ERBIN: variants seen among roughly 807,000 people sequenced by gnomAD.
ERBIN encodes the protein densin-180-like protein.
A neutral mutation model predicts 158.4 loss-of-function variants in ERBIN; 60 were observed. That is an observed-to-expected ratio of 0.38 (90% confidence interval 0.31 to 0.47). ERBIN has a LOEUF of 0.47. Among genes scored for constraint, ERBIN ranks in the 20% least tolerant of loss-of-function variants. The pLI is 0.99. For missense variants in ERBIN, 1,610 were observed against 1,648.0 expected, an observed-to-expected ratio of 0.98 and a Z score of 0.40; for synonymous variants, 594 against 557.2, an observed-to-expected ratio of 1.07 and a Z score of -0.93.
chr5:66,054,333 T>A lies in ERBIN; in HGVS notation c.3015T>A (p.Phe1005Leu). ...ATCCCCAAATAGACCATGCCAGTTT[T>A]CCTCCTCAGCTCCTTCCTAGATCAG... Reference protein sequence around the residue: ...KQNPQIDHASFPPQLLPRSES... With the variant: ...KQNPQIDHASLPPQLLPRSES... Residue 1005 changes from phenylalanine (F) to leucine (L), a missense_variant, in exon 21 of 26, where the codon TTT becomes TTA. Phe to Leu is a conservative substitution (Grantham distance 22, BLOSUM62 0). Coordinates refer to ENST00000284037, the MANE Select transcript of ERBIN (RefSeq NM_001253697.2). 4.3e-6 allele frequency: 7 copies of A among 1,614,140 alleles called. No individual in the cohort carries two copies. Among genetic ancestry groups the A allele is most frequent in the Non-Finnish European group, 5.9e-6 (7 of 1,180,012 alleles).
intron 1 of ERBIN, among the ~76,000 whole-genome samples, chr5:65,940,433 G>A (rs1236629951): frequency 8.5e-6 from 1 of 117,296 alleles, no homozygotes; most frequent in Admixed American, 8.2e-5. Context: ...TCAGCCCCCC[G>A]CCCGGCCAGC....
intron 4 of ERBIN, among the ~76,000 whole-genome samples, chr5:66,001,844 C>T (rs983904533): frequency 1.3e-5 from 2 of 151,864 alleles, no homozygotes; most frequent in African/African-American, 4.8e-5. Context: ...ATGTGCTGAA[C>T]GTGCAGGTTT....
chr5:65,972,617 T>C (rs1170881769), intron 1 of ERBIN, among the ~76,000 whole-genome samples: 6 of 151,284 alleles, frequency 4.0e-5, no homozygotes, highest in Admixed American at 1.3e-4. Flanking sequence ...ATATCTGTTA[T>C]ACTATTTCAC....
intron 5 of ERBIN, 84 bp downstream of exon 5, chr5:66,012,211 A>C: frequency 1.2e-6 from 1 of 854,844 alleles, no homozygotes; most frequent in Non-Finnish European, 1.8e-6. Context: ...TATTTTAACA[A>C]AAATTTTATA....
chr5:66,019,190 T>C (rs1377439637), intron 7 of ERBIN, among the ~76,000 whole-genome samples: 1 of 152,190 alleles, frequency 6.6e-6, no homozygotes. Context: ...CTTTATTTCT[T>C]TCTCTTTCCT....
In ERBIN at chr5:66,075,088, A is replaced by T; in HGVS notation, c.3821A>T (p.His1274Leu). Residue 1274 changes from histidine (H) to leucine (L), a missense_variant, in exon 23 of 26, where the codon CAT becomes CTT. Around this residue, in one of 2 missense-constraint regions of ERBIN, gnomAD observed 1,014 missense variants for 936.1 expected, o/e 1.08. Transcript: ENST00000284037. The part of the protein sequence containing the change: ...LRPQANYSQI[H>L]HPPQASVARH... The stretch of plus-strand genomic sequence containing the variant: ...CCTCAGGCAAATTATAGTCAAATAC[A>T]TCACCCCCCTCAGGCATCTGTGGCA... 5 of 1,614,208 alleles carry T rather than the reference A, an allele frequency of 3.1e-6. No homozygotes were observed. Among genetic ancestry groups the T allele is most frequent in the Non-Finnish European group, 4.2e-6 (5 of 1,180,034 alleles).
intron 4 of ERBIN, among the ~76,000 whole-genome samples, chr5:66,000,348 T>G (rs931189075): frequency 6.6e-6 from 1 of 152,174 alleles, no homozygotes; most frequent in Non-Finnish European, 1.5e-5. Flanking sequence ...ACAGCATCAT[T>G]AAATTAATAT....
At chr5:65,979,232 GC>G (rs1012662980) in intron 1 of ERBIN, among the ~76,000 whole-genome samples, 46 of 152,124 alleles carry the variant, frequency 3.0e-4, no homozygotes, top group Non-Finnish European at 3.1e-4. Flanking sequence ...TTCAAGACCA[GC>G]CTGGGCAACA....
At position 65,933,404 on chromosome 5, in the gene ERBIN, G is replaced by C. The variant is rs576960098; in HGVS notation, c.-58+6598G>C. Among the ~76,000 whole-genome samples the C allele has an allele frequency of 7.9e-5, 12 of 152,248 alleles. No homozygotes were observed. The South Asian group carries it at 2.3e-3, about 29-fold the overall frequency. The stretch of plus-strand genomic sequence containing the variant: ...AGAAATATTTAACGAGTTTCTCTTT[G>C]AAGGTATGTGGGTAGCTTGACCTTT... On this transcript the variant is annotated intron_variant, in intron 1 of 25. Coordinates refer to ENST00000284037, the MANE Select transcript of ERBIN (RefSeq NM_001253697.2).
intron 1 of ERBIN, among the ~76,000 whole-genome samples, chr5:65,943,232 T>A (rs1365333137): frequency 6.6e-6 from 1 of 152,234 alleles, no homozygotes; most frequent in African/African-American, 2.4e-5. Context: ...GCGAAATGAA[T>A]TACAGGAATG....
At chr5:65,940,476 TCCC>T (rs1244777484) in intron 1 of ERBIN, among the ~76,000 whole-genome samples, 4 of 18,488 alleles carry the variant, frequency 2.2e-4, no homozygotes, top group African/African-American at 5.5e-4. Context: ...GGGGGGTCAG[TCCC>T]CCCCCCCCCG....
At chr5:66,048,433 A>G (rs997036643) in intron 18 of ERBIN, among the ~76,000 whole-genome samples, 7 of 151,934 alleles carry the variant, frequency 4.6e-5, no homozygotes, top group African/African-American at 1.7e-4. Context: ...AAAAAAGGGA[A>G]TAGAGGAGCA....
chr5:66,024,748 G>A (rs1418516619), intron 10 of ERBIN, among the ~76,000 whole-genome samples: 2 of 151,698 alleles, frequency 1.3e-5, no homozygotes, highest in Non-Finnish European at 2.9e-5. Context: ...TTTTATTTTG[G>A]TAACTTTTTT....
chr5:66,044,061 G>A (rs549549545), intron 16 of ERBIN, 76 bp from the exon 17 acceptor site: 1 of 1,096,044 alleles, frequency 9.1e-7, no homozygotes, highest in Admixed American at 3.0e-5. Context: ...ATTCAGATGG[G>A]TTACAGATTA....
chr5:66,021,402 C>T lies in ERBIN; in HGVS notation c.597+17C>T, dbSNP rs1755669451. On this transcript the variant is annotated intron_variant, in intron 8 of 25. Coordinates refer to ENST00000284037, the MANE Select transcript of ERBIN (RefSeq NM_001253697.2). ...ACGGAAGTGGTAAGTTCTCATCAGT[C>T]TCACTTTCCCTAAGTTCTTATATTT... is the stretch of plus-strand genomic sequence containing the variant. The T allele has an allele frequency of 1.3e-6, 2 of 1,526,534 alleles. No homozygotes were observed. The highest frequency in any genetic ancestry group is 1.4e-5 in the African/African-American group (1 of 72,740). 94.6% of individuals were successfully genotyped at this position (1,526,534 alleles called of 1,614,324 possible).
At chr5:66,073,359 A>C (rs1431260946) in intron 22 of ERBIN, among the ~76,000 whole-genome samples, 1 of 152,178 alleles carries the variant, frequency 6.6e-6, no homozygotes, top group Non-Finnish European at 1.5e-5. Context: ...CTCATGGGCA[A>C]ATCAGTTGCA....
At chr5:66,062,232 T>A (rs1284676576) in intron 21 of ERBIN, among the ~76,000 whole-genome samples, 1 of 152,190 alleles carries the variant, frequency 6.6e-6, no homozygotes, top group Non-Finnish European at 1.5e-5. Flanking sequence ...TTGGAGGCTT[T>A]GTTCGTTTCT....
intron 1 of ERBIN, among the ~76,000 whole-genome samples, chr5:65,930,406 C>G (rs769027282): frequency 6.6e-6 from 1 of 152,212 alleles, no homozygotes; most frequent in African/African-American, 2.4e-5. Context: ...CCCCCAGGTT[C>G]ACGCCATTCT....
intron 17 of ERBIN, among the ~76,000 whole-genome samples, chr5:66,044,996 C>CT (rs1209798526): frequency 6.6e-6 from 1 of 152,078 alleles, no homozygotes; most frequent in Non-Finnish European, 1.5e-5. Context: ...AGGAGAGTCA[C>CT]TGGAGGCCAG....
Sources: allele counts gnomAD v4.1 joint callset (sites outside exome capture counted in the v4.1 genomes callset), GRCh38; gene constraint gnomAD v4.1.1; regional missense constraint gnomAD v4.1.1; transcripts MANE v1.5; gene names NCBI Gene and HGNC (gene_info 2026-07-23, HGNC 2026-07-21).